MPZL1: variants seen among roughly 807,000 people sequenced by gnomAD.
The protein encoded by MPZL1 is myelin protein zero like 1.
Under a neutral mutation model 29.3 loss-of-function variants are expected in MPZL1, and 16 were observed. The ratio of observed to expected loss-of-function variants is 0.55; its 90% CI spans 0.37 to 0.83. The LOEUF (loss-of-function observed/expected upper bound fraction) is 0.83, where lower values mean the gene tolerates loss of function less well. MPZL1 is among the 40% of genes least tolerant of loss of function. The pLI is 0.00. For synonymous variants in MPZL1, 143 were observed against 132.0 expected (o/e 1.08, Z -0.57); for missense variants, 279 against 332.9 (o/e 0.84, Z 1.26).
In MPZL1 at chr1:167,772,539, G is replaced by T. The variant is rs773934045; in HGVS notation, c.472+51G>T. ...AATAATGCAGTCTCCTTTATCTCAT[G>T]TTTGGTTGGAAAACATGAGTTGCAT... On this transcript the variant is annotated intron_variant, in intron 3 of 5. Coordinates refer to ENST00000359523, the MANE Select transcript of MPZL1 (RefSeq NM_003953.6). The T allele has an allele frequency of 4.6e-6, 7 of 1,506,948 alleles. 1 individual carries two copies. In the South Asian group the frequency reaches 8.3e-5, roughly 18 times the overall value. The allele number at this position is 1,506,948 out of a possible 1,614,324, so 93.3% of individuals were successfully genotyped here.
At position 167,726,137 on chromosome 1, in the gene MPZL1, A is replaced by G. The variant is rs143838433; in HGVS notation, c.91+3895A>G. Among the ~76,000 whole-genome samples the G allele has an allele frequency of 4.1e-3, 616 of 152,098 alleles. 4 individuals carry two copies. Among genetic ancestry groups the G allele is most frequent in the African/African-American group, 0.014 (568 of 41,490 alleles). On this transcript the variant is annotated intron_variant, in intron 1 of 5. Coordinates refer to ENST00000359523, the MANE Select transcript of MPZL1 (RefSeq NM_003953.6). ...TACCACCCACCACCCCTTTCTCACT[A>G]TATTCAAGCCACACTGCCATCTTTC... is the stretch of plus-strand genomic sequence containing the variant.
chr1:167,784,507 G>A (rs1370592744), intron 5 of MPZL1, among the ~76,000 whole-genome samples: 3 of 152,078 alleles, frequency 2.0e-5, no homozygotes, highest in Non-Finnish European at 2.9e-5. Flanking sequence ...AAAGTTGATC[G>A]TGGTTCTGTG....
chr1:167,724,591 A>C (rs1298839090), intron 1 of MPZL1, among the ~76,000 whole-genome samples: 1 of 152,230 alleles, frequency 6.6e-6, no homozygotes, highest in Non-Finnish European at 1.5e-5. Context: ...TAAAATGATC[A>C]TAGGTTTTGG....
chr1:167,741,836 C>A (rs916402159), intron 1 of MPZL1, among the ~76,000 whole-genome samples: 4 of 151,972 alleles, frequency 2.6e-5, no homozygotes, highest in Admixed American at 2.6e-4. Context: ...AGTTCAAGAC[C>A]GGCCTGGGCA....
chr1:167,782,764 A>T (rs1160290861), intron 5 of MPZL1, among the ~76,000 whole-genome samples: 1 of 152,170 alleles, frequency 6.6e-6, no homozygotes, highest in Non-Finnish European at 1.5e-5. Flanking sequence ...TCCTTAGAAG[A>T]GGGAGGCAGA....
chr1:167,727,374 A>G (rs1318328789), intron 1 of MPZL1, among the ~76,000 whole-genome samples: 1 of 152,158 alleles, frequency 6.6e-6, no homozygotes, highest in Non-Finnish European at 1.5e-5. Context: ...TGAGAATTTG[A>G]ATTATTTGTG....
intron 1 of MPZL1, among the ~76,000 whole-genome samples, chr1:167,745,121 G>A (rs1240834712): frequency 6.6e-6 from 1 of 152,086 alleles, no homozygotes; most frequent in Non-Finnish European, 1.5e-5. Flanking sequence ...ATAAGTTGCT[G>A]AGTCTGGAGT....
intron 1 of MPZL1, among the ~76,000 whole-genome samples, chr1:167,739,886 T>G (rs1660481009): frequency 6.6e-6 from 1 of 152,194 alleles, no homozygotes; most frequent in African/African-American, 2.4e-5. Context: ...CCATATCCTT[T>G]TATAGTTTCA....
intron 5 of MPZL1, among the ~76,000 whole-genome samples, chr1:167,778,618 G>A (rs1661422584): frequency 6.6e-6 from 1 of 151,738 alleles, no homozygotes; most frequent in African/African-American, 2.4e-5. Context: ...AAAATCAGGA[G>A]AAATCAATCA....
intron 2 of MPZL1, among the ~76,000 whole-genome samples, chr1:167,770,214 G>T (rs1281058402): frequency 1.3e-5 from 2 of 152,054 alleles, no homozygotes; most frequent in Non-Finnish European, 2.9e-5. Flanking sequence ...CGTGCTCAAA[G>T]GGTTCTGAAA....
chr1:167,785,857 A>G (rs979268365), intron 5 of MPZL1, among the ~76,000 whole-genome samples: 1 of 152,054 alleles, frequency 6.6e-6, no homozygotes, highest in African/African-American at 2.4e-5. Flanking sequence ...CAGTGGCGCT[A>G]TCTTGGCTCA....
intron 2 of MPZL1, among the ~76,000 whole-genome samples, chr1:167,770,188 G>A (rs561899058): frequency 4.6e-5 from 7 of 152,184 alleles, no homozygotes; most frequent in Non-Finnish European, 1.0e-4. Flanking sequence ...GGATGAGTCT[G>A]CACTGGGGTT....
intron 1 of MPZL1, among the ~76,000 whole-genome samples, chr1:167,750,264 G>A (rs1356807272): frequency 1.3e-5 from 2 of 151,700 alleles, no homozygotes; most frequent in Admixed American, 6.6e-5. Flanking sequence ...GCAATGCCGC[G>A]ATCTCAGCTC....
At chr1:167,778,938 C>T (rs59260668) in intron 5 of MPZL1, among the ~76,000 whole-genome samples, 7,238 of 151,834 alleles carry the variant, frequency 0.048, 570 homozygotes, top group African/African-American at 0.16. Context: ...GAGCCTAACA[C>T]GGTGAAAACC....
chr1:167,766,749 G>T (rs1167707156), intron 2 of MPZL1, among the ~76,000 whole-genome samples: 1 of 152,146 alleles, frequency 6.6e-6, no homozygotes, highest in Non-Finnish European at 1.5e-5. Context: ...GACAGGGTGG[G>T]GAGGATGGGA....
At chr1:167,741,975 G>A (rs1660538231) in intron 1 of MPZL1, among the ~76,000 whole-genome samples, 1 of 152,164 alleles carries the variant, frequency 6.6e-6, no homozygotes, top group South Asian at 2.1e-4. Context: ...TGAGGGTGAA[G>A]TGAGCCATGA....
Position 167,787,969 on chromosome 1 carries a change from C to A in MPZL1, c.*48C>A. ...CAGCAAGAAACAAAACCAAACTGGA[C>A]TCTCGTGCAGAAAATGTAGCCCATT... On this transcript the variant is annotated 3_prime_UTR_variant, in exon 6 of 6. Coordinates refer to ENST00000359523, the MANE Select transcript of MPZL1 (RefSeq NM_003953.6). 6.7e-7 allele frequency: 1 copy of A among 1,494,672 alleles called. No individual in the cohort carries two copies. The highest frequency in any genetic ancestry group is 9.3e-7 in the Non-Finnish European group (1 of 1,072,874). The allele number at this position is 1,494,672 out of a possible 1,614,324, so 92.6% of individuals were successfully genotyped here. A position where few individuals can be genotyped will look rare whatever the true frequency, so the allele number is the denominator to read the frequency against.
chr1:167,744,394 CA>C (rs775671786), intron 1 of MPZL1, among the ~76,000 whole-genome samples: 1 of 151,360 alleles, frequency 6.6e-6, no homozygotes, highest in Non-Finnish European at 1.5e-5. Flanking sequence ...CTTTAAAAAC[CA>C]AAAAAAGGCC....
At chr1:167,746,626 G>C (rs1043890072) in intron 1 of MPZL1, among the ~76,000 whole-genome samples, 1 of 152,202 alleles carries the variant, frequency 6.6e-6, no homozygotes, top group Non-Finnish European at 1.5e-5. Context: ...TGGAGTTGGG[G>C]TTCAGTGGCC....
Sources: gnomAD v4.1 joint callset for allele counts (sites outside exome capture counted in the v4.1 genomes callset) on GRCh38, gnomAD v4.1.1 for gene constraint, MANE v1.5 for transcripts, NCBI Gene and HGNC (gene_info 2026-07-23, HGNC 2026-07-21) for gene names.